The following MAF variants were observed in gnomAD, a reference collection of about 807,000 sequenced individuals.
MAF encodes the protein MAF bZIP transcription factor, also known as transcription factor Maf.
A neutral mutation model predicts 22.0 loss-of-function variants in MAF; 10 were observed. The ratio of observed to expected loss-of-function variants is 0.45; its 90% CI spans 0.28 to 0.77. The LOEUF (loss-of-function observed/expected upper bound fraction) is 0.77. Ranked by LOEUF, MAF falls within the 30% of genes least tolerant of loss-of-function variation. The probability of loss-of-function intolerance (pLI) is 0.12; values close to 1 mark genes in which losing one functional copy is unlikely to be tolerated. For synonymous variants in MAF, 337 were observed against 255.8 expected (o/e 1.32, Z -3.03); for missense variants, 544 against 548.4 (o/e 0.99, Z 0.08).
At chr16:79,294,413 G>T in the MAF span, among the ~76,000 whole-genome samples, 1 of 152,090 alleles carries the variant, frequency 6.6e-6, no homozygotes, top group Non-Finnish European at 1.5e-5. Context: ...TCTTGACTAC[G>T]TGTGATCAAG....
At chr16:79,327,041 C>T in the MAF span, among the ~76,000 whole-genome samples, 1 of 152,212 alleles carries the variant, frequency 6.6e-6, no homozygotes, top group Non-Finnish European at 1.5e-5. Context: ...GCCTCACAGT[C>T]TGCATACTGA....
chr16:79,557,601 A>G, the MAF span, among the ~76,000 whole-genome samples: 1 of 152,080 alleles, frequency 6.6e-6, no homozygotes, highest in African/African-American at 2.4e-5. Context: ...CCTCTGCTCA[A>G]TAGAGATACT....
the MAF span, among the ~76,000 whole-genome samples, chr16:79,520,529 A>G: frequency 6.6e-6 from 1 of 152,066 alleles, no homozygotes; most frequent in Non-Finnish European, 1.5e-5. Flanking sequence ...GGGTTCTGAA[A>G]TCTGGATAAG....
chr16:79,212,025 T>G, the MAF span: 3 of 1,536,138 alleles, frequency 2.0e-6, no homozygotes, highest in South Asian at 2.4e-5. Flanking sequence ...TCTCTTTGCT[T>G]TCTGGTGGTG....
At chr16:79,472,934 C>T in the MAF span, among the ~76,000 whole-genome samples, 5 of 152,040 alleles carry the variant, frequency 3.3e-5, no homozygotes, top group African/African-American at 4.8e-5. Flanking sequence ...TACCGAGGCC[C>T]GGTACCATAT....
At chr16:79,393,476 G>A in the MAF span, among the ~76,000 whole-genome samples, 1 of 152,324 alleles carries the variant, frequency 6.6e-6, no homozygotes, top group African/African-American at 2.4e-5. Context: ...TCTTTAAAGA[G>A]GATAATGCAG....
At chr16:79,507,562 C>A in the MAF span, among the ~76,000 whole-genome samples, 5 of 145,778 alleles carry the variant, frequency 3.4e-5, no homozygotes, top group African/African-American at 1.3e-4. Flanking sequence ...GTAGCTGGGA[C>A]TACAGGCGCC....
the MAF span, among the ~76,000 whole-genome samples, chr16:79,431,352 T>G: frequency 3.3e-5 from 5 of 152,216 alleles, no homozygotes; most frequent in Non-Finnish European, 7.3e-5. Context: ...GAATTCCACT[T>G]AGACCATACA....
chr16:79,445,969 T>C, the MAF span, among the ~76,000 whole-genome samples: 3 of 152,080 alleles, frequency 2.0e-5, no homozygotes, highest in Admixed American at 6.5e-5. Flanking sequence ...TAATCTCTCA[T>C]AGCAAGCCTT....
the MAF span, chr16:79,205,350 C>G: frequency 6.6e-6 from 1 of 152,228 alleles, no homozygotes; most frequent in East Asian, 1.9e-4. Flanking sequence ...ATGGGAGAGG[C>G]AACTGAAAAG....
the MAF span, among the ~76,000 whole-genome samples, chr16:79,263,637 TG>T: frequency 1.3e-5 from 2 of 152,350 alleles, no homozygotes; most frequent in African/African-American, 4.8e-5. Flanking sequence ...TTGCTAATTT[TG>T]AAACCATAGG....
At chr16:79,308,863 C>A in the MAF span, among the ~76,000 whole-genome samples, 2 of 152,168 alleles carry the variant, frequency 1.3e-5, no homozygotes, top group African/African-American at 4.8e-5. Context: ...CCTTTCCTAA[C>A]GCCCAGAAAT....
At chr16:79,491,649 T>G in the MAF span, among the ~76,000 whole-genome samples, 2 of 152,284 alleles carry the variant, frequency 1.3e-5, no homozygotes, top group African/African-American at 4.8e-5. Context: ...GCGACTAACA[T>G]GTAACAAAAT....
chr16:79,402,082 C>T, the MAF span, among the ~76,000 whole-genome samples: 1 of 152,170 alleles, frequency 6.6e-6, no homozygotes, highest in South Asian at 2.1e-4. Flanking sequence ...AGGTTCAATT[C>T]AGACTCTGTC....
At chr16:79,264,578 C>G in the MAF span, 2 of 152,226 alleles carry the variant, frequency 1.3e-5, no homozygotes, top group Non-Finnish European at 2.9e-5. Context: ...TTGACCCCAA[C>G]AGTTGAGCTC....
chr16:79,323,848 G>T, the MAF span, among the ~76,000 whole-genome samples: 2 of 152,170 alleles, frequency 1.3e-5, no homozygotes, highest in Non-Finnish European at 2.9e-5. Context: ...ATATGACCTT[G>T]GGGGAAAGTG....
chr16:79,361,680 G>GTT, the MAF span, among the ~76,000 whole-genome samples: 1 of 150,462 alleles, frequency 6.6e-6, no homozygotes, highest in Non-Finnish European at 1.5e-5. Context: ...CGAAAGATTG[G>GTT]TTTTTTTTTC....
chr16:79,480,062 C>T, the MAF span, among the ~76,000 whole-genome samples: 2 of 152,168 alleles, frequency 1.3e-5, no homozygotes, highest in Non-Finnish European at 2.9e-5. Context: ...GGTCAAGCTC[C>T]AGGGTGTAAG....
the MAF span, among the ~76,000 whole-genome samples, chr16:79,378,639 G>A: frequency 6.6e-6 from 1 of 152,182 alleles, no homozygotes; most frequent in Non-Finnish European, 1.5e-5. Context: ...TGACCATTTA[G>A]AGATGACCAT....
Sources: gnomAD v4.1 joint callset for allele counts (sites outside exome capture counted in the v4.1 genomes callset) on GRCh38, gnomAD v4.1.1 for gene constraint, MANE v1.5 for transcripts, NCBI Gene and HGNC (gene_info 2026-07-23, HGNC 2026-07-21) for gene names.